The following HIBADH variants were observed in gnomAD, a reference collection of about 807,000 sequenced individuals.
The protein encoded by HIBADH is 3-hydroxyisobutyrate dehydrogenase, mitochondrial.
A neutral mutation model predicts 36.1 loss-of-function variants in HIBADH; 25 were observed. That is an observed-to-expected ratio of 0.69 (90% confidence interval 0.50 to 0.97). The LOEUF is 0.97. Ranked by LOEUF, HIBADH falls within the 50% of genes least tolerant of loss-of-function variation. HIBADH has a pLI of 0.00. For missense variants in HIBADH, 421 were observed against 418.0 expected, an observed-to-expected ratio of 1.01 and a Z score of -0.06; for synonymous variants, 160 against 149.5, an observed-to-expected ratio of 1.07 and a Z score of -0.51.
At chr7:27,633,531 C>T (rs1785785246) in intron 2 of HIBADH, among the ~76,000 whole-genome samples, 1 of 152,020 alleles carries the variant, frequency 6.6e-6, no homozygotes, top group African/African-American at 2.4e-5. Context: ...TAGTGGGGCG[C>T]ACCAGTAGTC....
At position 27,531,212 on chromosome 7, in the gene HIBADH, C is replaced by G; in HGVS notation, c.832G>C (p.Gly278Arg). 1 of 1,613,590 alleles carries G rather than the reference C, an allele frequency of 6.2e-7. No individual in the cohort carries two copies. The change falls in exon 7 of 8, where the codon GGA (glycine) becomes CGA (arginine). Residue 278 changes from glycine to arginine, a missense_variant. Gly to Arg is a moderately radical substitution (Grantham distance 125, BLOSUM62 -2). Coordinates refer to ENST00000265395, the MANE Select transcript of HIBADH (RefSeq NM_152740.4). ...PSANNYQGGF[G>R]TTLMAKDLGL... ...CATACCTTAGCCATGAGTGTTGTTC[C>G]AAATCCACCCTGATAGTTATTAGCC... is the stretch of plus-strand genomic sequence containing the variant.
At chr7:27,610,330 A>G (rs989435776) in intron 4 of HIBADH, among the ~76,000 whole-genome samples, 2 of 152,190 alleles carry the variant, frequency 1.3e-5, no homozygotes, top group African/African-American at 4.8e-5. Flanking sequence ...CACCACATTC[A>G]AGGTAATAAA....
At chr7:27,544,040 T>G (rs1445684490) in intron 4 of HIBADH, among the ~76,000 whole-genome samples, 1 of 152,184 alleles carries the variant, frequency 6.6e-6, no homozygotes, top group Non-Finnish European at 1.5e-5. Flanking sequence ...GGCTTTATTT[T>G]TCAAAACTTC....
chr7:27,622,911 A>G (rs1785570380), intron 4 of HIBADH, among the ~76,000 whole-genome samples: 1 of 152,198 alleles, frequency 6.6e-6, no homozygotes, highest in Non-Finnish European at 1.5e-5. Context: ...AACTCATTCT[A>G]TGAAGCTGGA....
chr7:27,564,180 G>A (rs1258548411), intron 4 of HIBADH, among the ~76,000 whole-genome samples: 1 of 152,108 alleles, frequency 6.6e-6, no homozygotes, highest in Non-Finnish European at 1.5e-5. Flanking sequence ...TTACAGGCGT[G>A]AGCCACCGTG....
At chr7:27,596,892 T>C (rs1308223921) in intron 4 of HIBADH, among the ~76,000 whole-genome samples, 1 of 152,170 alleles carries the variant, frequency 6.6e-6, no homozygotes, top group Admixed American at 6.5e-5. Context: ...AGATTTCATA[T>C]GCTCAAGCTG....
intron 4 of HIBADH, among the ~76,000 whole-genome samples, chr7:27,558,302 G>C (rs1442279816): frequency 6.6e-6 from 1 of 151,856 alleles, no homozygotes; most frequent in African/African-American, 2.4e-5. Flanking sequence ...TTTTATTCTA[G>C]TTTATTGAGT....
chr7:27,630,965 C>T (rs1785736708), intron 3 of HIBADH, among the ~76,000 whole-genome samples: 1 of 151,968 alleles, frequency 6.6e-6, no homozygotes, highest in African/African-American at 2.4e-5. Flanking sequence ...GGAAAATCAT[C>T]CCAAAAATTA....
At chr7:27,643,067 A>ATCAG (rs1785991568) in intron 2 of HIBADH, among the ~76,000 whole-genome samples, 1 of 152,240 alleles carries the variant, frequency 6.6e-6, no homozygotes, top group Non-Finnish European at 1.5e-5. Context: ...ACAATTTGGA[A>ATCAG]TCACATATTT....
At chr7:27,531,650 C>T (rs931515378) in intron 6 of HIBADH, among the ~76,000 whole-genome samples, 1 of 152,144 alleles carries the variant, frequency 6.6e-6, no homozygotes, top group Non-Finnish European at 1.5e-5. Context: ...TTATCACACT[C>T]ATGGGTTTTC....
chr7:27,608,284 C>T (rs543287293), intron 4 of HIBADH, among the ~76,000 whole-genome samples: 1 of 152,224 alleles, frequency 6.6e-6, no homozygotes, highest in Non-Finnish European at 1.5e-5. Context: ...GGTCAAAATC[C>T]CTCCAAGGCA....
intron 4 of HIBADH, among the ~76,000 whole-genome samples, chr7:27,572,138 C>A (rs1784637914): frequency 6.6e-6 from 1 of 152,152 alleles, no homozygotes; most frequent in Non-Finnish European, 1.5e-5. Flanking sequence ...ATGTTAACGT[C>A]CAGAGCCCCT....
At position 27,540,019 on chromosome 7, in the gene HIBADH, G is replaced by A. The variant is rs1583559348; in HGVS notation, c.619-1602C>T. On this transcript the variant is annotated intron_variant, in intron 5 of 7. Transcript: ENST00000265395. The stretch of plus-strand genomic sequence containing the variant: ...TCTTCGCTGTCTCGGGGTGACAGAG[G>A]CAGAAGAGGTGGAGGTGGTAGAAGG... 2.0e-5 allele frequency among the ~76,000 whole-genome samples: 3 copies of A among 152,184 alleles called. No individual in the cohort carries two copies. The South Asian group carries it at 6.2e-4, about 32-fold the overall frequency.
intron 2 of HIBADH, among the ~76,000 whole-genome samples, chr7:27,647,224 T>C (rs1583618587): frequency 6.6e-6 from 1 of 151,922 alleles, no homozygotes; most frequent in Non-Finnish European, 1.5e-5. Context: ...GGCCAGGGAG[T>C]GTCTGCAGCA....
chr7:27,542,815 G>T, intron 5 of HIBADH, 152 bp downstream of exon 5: 1 of 923,228 alleles, frequency 1.1e-6, no homozygotes, highest in Non-Finnish European at 1.6e-6. Context: ...CAGGAATGAT[G>T]CAAAACTAAT....
chr7:27,530,666 CAAAT>C (rs562602841), intron 7 of HIBADH, among the ~76,000 whole-genome samples: 116 of 152,098 alleles, frequency 7.6e-4, no homozygotes, highest in Non-Finnish European at 1.4e-3. Flanking sequence ...GTTGAGATCT[CAAAT>C]AAGAGAAGGA....
At chr7:27,650,186 CA>C (rs1265644765) in intron 1 of HIBADH, among the ~76,000 whole-genome samples, 1 of 150,640 alleles carries the variant, frequency 6.6e-6, no homozygotes, top group Non-Finnish European at 1.5e-5. Flanking sequence ...AGAAAGTATT[CA>C]AAAAGACGTA....
chr7:27,568,465 T>G (rs983224923), intron 4 of HIBADH, among the ~76,000 whole-genome samples: 1 of 152,096 alleles, frequency 6.6e-6, no homozygotes, highest in African/African-American at 2.4e-5. Context: ...AATAGCCTTT[T>G]ATTTTTTTGA....
intron 5 of HIBADH, 22 bp from the exon 6 acceptor site, chr7:27,538,439 A>T: frequency 1.9e-6 from 3 of 1,597,596 alleles, no homozygotes; most frequent in Non-Finnish European, 2.6e-6. Context: ...TTGAGTACAT[A>T]TTAAATATCT....
Sources: allele counts gnomAD v4.1 joint callset (sites outside exome capture counted in the v4.1 genomes callset), GRCh38; gene constraint gnomAD v4.1.1; transcripts MANE v1.5; gene names NCBI Gene and HGNC (gene_info 2026-07-23, HGNC 2026-07-21).